RIMS2: variants seen among roughly 807,000 people sequenced by gnomAD.
RIMS2 encodes regulating synaptic membrane exocytosis protein 2.
Under a neutral mutation model 174.4 loss-of-function variants are expected in RIMS2, and 59 were observed. That is an observed-to-expected ratio of 0.34 (90% confidence interval 0.27 to 0.42). The LOEUF (loss-of-function observed/expected upper bound fraction) is 0.42, where lower values mean the gene tolerates loss of function less well. Among genes scored for constraint, RIMS2 ranks in the 10% least tolerant of loss-of-function variants. RIMS2 has a pLI of 1.00. For missense variants in RIMS2, 1,620 were observed against 1,666.3 expected (o/e 0.97, Z 0.48); for synonymous variants, 606 against 572.5 (o/e 1.06, Z -0.84).
intron 19 of RIMS2, among the ~76,000 whole-genome samples, chr8:104,217,391 C>T (rs1587653664): frequency 1.3e-5 from 2 of 152,190 alleles, no homozygotes; most frequent in Middle Eastern, 3.4e-3. Context: ...GCCTCAGCTC[C>T]CCAAGTAGCT....
At chr8:103,586,502 A>T (rs888842227) in intron 1 of RIMS2, among the ~76,000 whole-genome samples, 1 of 152,138 alleles carries the variant, frequency 6.6e-6, no homozygotes, top group African/African-American at 2.4e-5. Context: ...ATGACCAGTG[A>T]GTCAATGAAG....
intron 3 of RIMS2, among the ~76,000 whole-genome samples, chr8:103,809,988 G>A (rs1292747421): frequency 6.6e-6 from 1 of 152,134 alleles, no homozygotes; most frequent in Non-Finnish European, 1.5e-5. Flanking sequence ...AATTTTGAAG[G>A]AACTTTGTAA....
Position 104,154,536 on chromosome 8 carries a change from G to A in RIMS2, c.3335-90380G>A, listed in dbSNP as rs141095245. Among the ~76,000 whole-genome samples the A allele has an allele frequency of 4.3e-4, 65 of 152,180 alleles. 3 individuals are homozygous for A. The East Asian group carries it at 0.011, about 25-fold the overall frequency. ...CACAGTTAAAAACAATTCTTTCTGG[G>A]ATTTTTTAAAACAAATAAGAAATAG... On this transcript the variant is annotated intron_variant, in intron 19 of 23. Transcript: ENST00000504942.
intron 19 of RIMS2, among the ~76,000 whole-genome samples, chr8:104,094,158 T>C (rs1474780367): frequency 6.6e-6 from 1 of 151,960 alleles, no homozygotes; most frequent in Non-Finnish European, 1.5e-5. Flanking sequence ...GTCCTATAGA[T>C]TTTATAGATG....
intron 1 of RIMS2, among the ~76,000 whole-genome samples, chr8:103,533,801 G>A (rs1188457148): frequency 6.6e-6 from 1 of 152,032 alleles, no homozygotes; most frequent in Non-Finnish European, 1.5e-5. Context: ...GTTATTCATT[G>A]TGTTATTTAT....
At chr8:103,995,110 A>C (rs1428126418) in intron 17 of RIMS2, among the ~76,000 whole-genome samples, 1 of 152,128 alleles carries the variant, frequency 6.6e-6, no homozygotes, top group Non-Finnish European at 1.5e-5. Context: ...ACATAGGCTC[A>C]TAATCTTCTG....
intron 3 of RIMS2, among the ~76,000 whole-genome samples, chr8:103,793,076 A>G (rs567693516): frequency 1.3e-5 from 2 of 152,198 alleles, no homozygotes; most frequent in Non-Finnish European, 2.9e-5. Context: ...TCCCTAACTC[A>G]TTGTATGAAG....
intron 1 of RIMS2, among the ~76,000 whole-genome samples, chr8:103,561,382 C>T (rs28553476): frequency 0.012 from 1,769 of 152,226 alleles, 33 homozygotes; most frequent in African/African-American, 0.039. Flanking sequence ...GTACTCCTTT[C>T]AGTTAGAAAT....
At chr8:103,938,579 A>G (rs2081835663) in intron 13 of RIMS2, among the ~76,000 whole-genome samples, 1 of 151,978 alleles carries the variant, frequency 6.6e-6, no homozygotes, top group Non-Finnish European at 1.5e-5. Context: ...CCCCTCCCAA[A>G]TCTCATGTCG....
At chr8:103,670,933 T>C (rs1329609992) in intron 1 of RIMS2, among the ~76,000 whole-genome samples, 2 of 152,286 alleles carry the variant, frequency 1.3e-5, no homozygotes, top group East Asian at 1.9e-4. Context: ...CCCACTCTAA[T>C]GGTACCTGCT....
Position 104,013,521 on chromosome 8 carries a change from AC to A in RIMS2, c.3127del (p.Arg1043AlafsTer13). ...ACGGCCTCTCCTTGAGCGGACCACCACCCGCTCCAGATCCACTGAACGTCCT... is the reference window on the plus strand; with the variant it reads ...ACGGCCTCTCCTTGAGCGGACCACCACCGCTCCAGATCCACTGAACGTCCT... On this transcript the variant is annotated frameshift_variant, in exon 18 of 24. Transcript: ENST00000504942. LOFTEE classifies it high-confidence loss of function. 1 of 1,613,412 alleles carries A rather than the reference AC, an allele frequency of 6.2e-7. No individual in the cohort carries two copies. The highest frequency in any genetic ancestry group is 8.5e-7 in the Non-Finnish European group (1 of 1,179,506).
At chr8:103,790,520 C>T (rs1017507175) in intron 3 of RIMS2, among the ~76,000 whole-genome samples, 3 of 152,062 alleles carry the variant, frequency 2.0e-5, no homozygotes, top group African/African-American at 7.2e-5. Flanking sequence ...TTGAGTTTCT[C>T]CTTTTTAGCC....
At chr8:104,155,353 G>C (rs1420411494) in intron 19 of RIMS2, among the ~76,000 whole-genome samples, 1 of 149,308 alleles carries the variant, frequency 6.7e-6, no homozygotes, top group African/African-American at 2.5e-5. Context: ...TGATCTGCCC[G>C]CCTCGGCCTC....
At chr8:103,720,628 G>C (rs1465604315) in intron 2 of RIMS2, among the ~76,000 whole-genome samples, 1 of 152,116 alleles carries the variant, frequency 6.6e-6, no homozygotes, top group Non-Finnish European at 1.5e-5. Flanking sequence ...ACCTGACGAA[G>C]ACCAGCATTC....
intron 1 of RIMS2, among the ~76,000 whole-genome samples, chr8:103,552,870 G>A (rs1438683148): frequency 1.3e-5 from 2 of 152,184 alleles, no homozygotes; most frequent in African/African-American, 2.4e-5. Flanking sequence ...GGCCATCAGA[G>A]AAATGCAAAT....
intron 2 of RIMS2, among the ~76,000 whole-genome samples, chr8:103,742,259 A>C (rs1469955791): frequency 6.6e-6 from 1 of 152,054 alleles, no homozygotes; most frequent in Non-Finnish European, 1.5e-5. Context: ...TAAAACCAAA[A>C]CAACCTAAAT....
chr8:103,511,178 G>C (rs1037726859), intron 1 of RIMS2, among the ~76,000 whole-genome samples: 1 of 152,144 alleles, frequency 6.6e-6, no homozygotes, highest in Non-Finnish European at 1.5e-5. Context: ...TGGAGGGACT[G>C]GGGGCAAGAA....
chr8:103,756,934 A>G (rs1482877980), intron 2 of RIMS2, among the ~76,000 whole-genome samples: 2 of 151,730 alleles, frequency 1.3e-5, no homozygotes, highest in Non-Finnish European at 1.5e-5. Context: ...TAGTGTTCAA[A>G]TAAGGACAGT....
exon 1 of RIMS2, chr8:103,500,807 GCCCCA>G: frequency 1.2e-6 from 1 of 834,356 alleles, no homozygotes; most frequent in Non-Finnish European, 1.8e-6. Context: ...GCTGGAGGCT[GCCCCA>G]GCCGCCGCGC....
Sources: allele counts gnomAD v4.1 joint callset (sites outside exome capture counted in the v4.1 genomes callset), GRCh38; gene constraint gnomAD v4.1.1; transcripts MANE v1.5; gene names NCBI Gene and HGNC (gene_info 2026-07-23, HGNC 2026-07-21).